The following PCYOX1 variants were observed in gnomAD, a reference collection of about 807,000 sequenced individuals.
PCYOX1 encodes prenylcysteine oxidase 1, also known as prenylcysteine lyase.
A neutral mutation model predicts 46.4 loss-of-function variants in PCYOX1; 46 were observed. The observed-to-expected ratio is 0.99, with a 90% CI of 0.78 to 1.27. The LOEUF is 1.27. Ranked by LOEUF, PCYOX1 falls within the 50% of genes most tolerant of loss-of-function variation. The pLI is 0.00. For missense variants in PCYOX1, 658 were observed against 628.3 expected (o/e 1.05, Z -0.51); for synonymous variants, 220 against 231.8 (o/e 0.95, Z 0.46).
chr2:70,267,991 A>G (rs1696551923), intron 3 of PCYOX1, among the ~76,000 whole-genome samples: 1 of 151,846 alleles, frequency 6.6e-6, no homozygotes, highest in South Asian at 2.1e-4. Context: ...TTGTATTTTT[A>G]GTAGAGATGG....
At chr2:70,269,486 C>G (rs1477871381) in intron 3 of PCYOX1, among the ~76,000 whole-genome samples, 1 of 152,004 alleles carries the variant, frequency 6.6e-6, no homozygotes, top group Non-Finnish European at 1.5e-5. Context: ...CAGGCATGCA[C>G]CACCAACCCT....
chr2:70,258,163 C>T lies in PCYOX1; in HGVS notation c.-2C>T, dbSNP rs1474171401. 8.8e-6 allele frequency: 14 copies of T among 1,592,676 alleles called. No individual in the cohort carries two copies. Among genetic ancestry groups the T allele is most frequent in the Admixed American group, 3.4e-5 (2 of 59,404 alleles). On this transcript the variant is annotated 5_prime_UTR_variant, in exon 1 of 6. Transcript: ENST00000433351. ...AGGCCAGCTGCAGAGCTTGTGGAGG[C>T]CATGGGGCGCGTCGTCGCGGAGCTC...
At chr2:70,275,775 T>A in intron 5 of PCYOX1, 109 bp downstream of exon 5, 1 of 1,047,610 alleles carries the variant, frequency 9.5e-7, no homozygotes, top group Non-Finnish European at 1.4e-6. Flanking sequence ...TGATGAAACT[T>A]GAAATTGTAT....
chr2:70,259,865 G>A (rs1444866204), intron 2 of PCYOX1, among the ~76,000 whole-genome samples: 1 of 152,124 alleles, frequency 6.6e-6, no homozygotes, highest in Non-Finnish European at 1.5e-5. Flanking sequence ...GCTCAGGCTG[G>A]AGTGCAATGG....
chr2:70,277,447 AGAAC>A lies in PCYOX1; in HGVS notation c.*56_*59del. 1 of 1,386,118 alleles carries A rather than the reference AGAAC, an allele frequency of 7.2e-7. No homozygotes were observed. The highest frequency in any genetic ancestry group is 9.9e-7 in the Non-Finnish European group (1 of 1,009,100). 85.9% of individuals were successfully genotyped at this position (1,386,118 alleles called of 1,614,324 possible). A position where few individuals can be genotyped will look rare whatever the true frequency, so the allele number is the denominator to read the frequency against. On this transcript the variant is annotated 3_prime_UTR_variant, in exon 6 of 6. Transcript: ENST00000433351. ...TCCAAATGACTATCAGTGGCAAAAA[AGAAC>A]AAAATCTGAGCAGAGATGATTTTGA...
In PCYOX1 at chr2:70,276,962, A is replaced by G; in HGVS notation, c.1088A>G (p.Asp363Gly). 2 of 1,613,494 alleles carry G rather than the reference A, an allele frequency of 1.2e-6. No homozygotes were observed. The highest frequency in any genetic ancestry group is 1.7e-6 in the Non-Finnish European group (2 of 1,179,396). Residue 363 changes from aspartate to glycine, a missense_variant, in exon 6 of 6, where the codon GAT (aspartate) becomes GGT (glycine). Transcript: ENST00000433351. ...TCTATCTTTAGCTCTAGACCCATAG[A>G]TAAATTTGGCCTTAATACAGTTTTA... ...NTSIFSSRPI[D>G]KFGLNTVLTT...
chr2:70,262,193 GT>G (rs557125165), intron 3 of PCYOX1, among the ~76,000 whole-genome samples: 3 of 152,054 alleles, frequency 2.0e-5, no homozygotes, highest in Non-Finnish European at 4.4e-5. Flanking sequence ...TTGAGATGGA[GT>G]TTCGCTTGTT....
At chr2:70,258,373 T>C in intron 1 of PCYOX1, 97 bp downstream of exon 1, 1 of 756,364 alleles carries the variant, frequency 1.3e-6, no homozygotes, top group South Asian at 2.0e-5. Context: ...CGCGACGCAG[T>C]CCAGCGGTGC....
Position 70,277,598 on chromosome 2 carries a change from TTAAG to T in PCYOX1, c.*209_*212del. 1 of 486,592 alleles carries T rather than the reference TTAAG, an allele frequency of 2.1e-6. No homozygotes were observed. The highest frequency in any genetic ancestry group is 3.6e-5 in the South Asian group (1 of 27,832). 30.1% of individuals were successfully genotyped at this position (486,592 alleles called of 1,614,324 possible). A position where few individuals can be genotyped will look rare whatever the true frequency, so the allele number is the denominator to read the frequency against. Reference sequence around the variant, plus strand: ...GCACTTATGCCATCTCCAAAATTTCTTAAGTATTCTTTCACTATCCATTAGGAGT... The same window carrying T: ...GCACTTATGCCATCTCCAAAATTTCTTATTCTTTCACTATCCATTAGGAGT... On this transcript the variant is annotated 3_prime_UTR_variant, in exon 6 of 6. Transcript: ENST00000433351.
chr2:70,257,970 C>T, upstream of PCYOX1: 1 of 449,812 alleles, frequency 2.2e-6, no homozygotes, highest in Non-Finnish European at 3.9e-6. Flanking sequence ...GCTTAGGGCA[C>T]TGAGTGGCCC....
rs746331414 is a variant in PCYOX1 at position 70,277,344 on chromosome 2, C to A, written c.1470C>A (p.Asp490Glu). Residue 490 changes from aspartate (D) to glutamate (E), a missense_variant, in exon 6 of 6, where the codon GAC (aspartate) becomes GAA (glutamate). Asp to Glu is a conservative substitution (Grantham distance 45). Transcript: ENST00000433351. ...LAYHRWNGHT[D>E]MIDQDGLYEK... ...ATCACCGCTGGAACGGGCACACAGA[C>A]ATGATTGATCAGGATGGCTTATATG... 2.5e-6 allele frequency: 4 copies of A among 1,612,894 alleles called. No individual in the cohort carries two copies. Among genetic ancestry groups the A allele is most frequent in the Non-Finnish European group, 3.4e-6 (4 of 1,179,064 alleles).
chr2:70,280,127 A>C lies in PCYOX1; in HGVS notation c.*2735A>C, dbSNP rs748940737. 2 of 152,162 alleles carry C rather than the reference A, an allele frequency of 1.3e-5. No homozygotes were observed. The highest frequency in any genetic ancestry group is 2.9e-5 in the Non-Finnish European group (2 of 68,026). 9.4% of individuals were successfully genotyped at this position (152,162 alleles called of 1,614,324 possible). ...ATGTTGCTGGTATTACATCAAACCT[A>C]CTCTGGATAAATTTTCCAGTAGGGC... On this transcript the variant is annotated 3_prime_UTR_variant, in exon 6 of 6. Transcript: ENST00000433351.
intron 3 of PCYOX1, among the ~76,000 whole-genome samples, chr2:70,268,909 C>T (rs1416009034): frequency 6.6e-6 from 1 of 152,056 alleles, no homozygotes; most frequent in East Asian, 1.9e-4. Context: ...CCGAATGCAT[C>T]CACACCTTGA....
intron 3 of PCYOX1, 149 bp downstream of exon 3, chr2:70,261,535 A>G: frequency 1.6e-6 from 1 of 614,200 alleles, no homozygotes; most frequent in Non-Finnish European, 2.9e-6. Flanking sequence ...TGTTTTGTAG[A>G]AACTATGCAG....
intron 3 of PCYOX1, among the ~76,000 whole-genome samples, chr2:70,270,822 T>C (rs1696591445): frequency 6.6e-6 from 1 of 151,992 alleles, no homozygotes; most frequent in Non-Finnish European, 1.5e-5. Flanking sequence ...CAGGCTGGAG[T>C]GCAGTGGCAC....
chr2:70,266,520 T>A (rs1696525758), intron 3 of PCYOX1, among the ~76,000 whole-genome samples: 1 of 151,908 alleles, frequency 6.6e-6, no homozygotes, highest in Non-Finnish European at 1.5e-5. Context: ...GAGAGGGGGA[T>A]TTGGCAGGGT....
At chr2:70,259,335 A>G (rs1375035466) in intron 1 of PCYOX1, 25 bp from the exon 2 acceptor site, 5 of 1,594,338 alleles carry the variant, frequency 3.1e-6, no homozygotes, top group Non-Finnish European at 4.3e-6. Flanking sequence ...GGGAAAATAT[A>G]ATCTTCTGTT....
chr2:70,258,558 C>T (rs1439998781), intron 1 of PCYOX1: 2 of 352,172 alleles, frequency 5.7e-6, no homozygotes, highest in Non-Finnish European at 5.1e-6. Context: ...TACCTGTAGC[C>T]CCTGTCTCTT....
At chr2:70,269,142 C>T (rs903148475) in intron 3 of PCYOX1, among the ~76,000 whole-genome samples, 4 of 144,026 alleles carry the variant, frequency 2.8e-5, no homozygotes, top group Admixed American at 1.4e-4. Flanking sequence ...AGGTTTATTT[C>T]TGGGTTTTCT....
Sources: allele counts gnomAD v4.1 joint callset (sites outside exome capture counted in the v4.1 genomes callset), GRCh38; gene constraint gnomAD v4.1.1; transcripts MANE v1.5; gene names NCBI Gene and HGNC (gene_info 2026-07-23, HGNC 2026-07-21).